ACYP2: variants seen among roughly 807,000 people sequenced by gnomAD.
ACYP2 encodes the protein acylphosphatase-2.
In ACYP2, 12 loss-of-function variants were observed where a neutral mutation model predicts 11.2. The ratio of observed to expected loss-of-function variants is 1.08; its 90% CI spans 0.69 to 1.74. The LOEUF is 1.74. Among genes scored for constraint, ACYP2 ranks in the 40% most tolerant of loss-of-function variants. ACYP2 has a pLI of 0.00. For missense variants in ACYP2, 134 were observed against 101.9 expected (o/e 1.31, Z -1.35); for synonymous variants, 43 against 32.2 (o/e 1.33, Z -1.13).
At chr2:54,242,086 A>T (rs948845579) in intron 6 of ACYP2, among the ~76,000 whole-genome samples, 1 of 152,220 alleles carries the variant, frequency 6.6e-6, no homozygotes, top group Non-Finnish European at 1.5e-5. Context: ...TACGCGTAGT[A>T]AAAGTGCAGA....
intron 2 of ACYP2, among the ~76,000 whole-genome samples, chr2:54,012,061 C>T (rs146866607): frequency 0.024 from 3,633 of 152,048 alleles, 82 homozygotes; most frequent in Non-Finnish European, 0.032. Context: ...CATGGTGAAA[C>T]CGCATCTCTA....
Position 54,115,501 on chromosome 2 carries a change from C to A in ACYP2, c.278-19952C>A, listed in dbSNP as rs1679697903. 2.1e-6 allele frequency: 3 copies of A among 1,425,102 alleles called. No homozygotes were observed. In the African/African-American group the frequency reaches 4.4e-5, roughly 21 times the overall value. The allele number at this position is 1,425,102 out of a possible 1,614,324, so 88.3% of individuals were successfully genotyped here. ...CCAGCGGCCTCTTCCCTCCTGGCGT[C>A]CCCGGCTGCCCTCGCTCCCAGGCCC... On this transcript the variant is annotated intron_variant, in intron 4 of 6. Coordinates refer to ENST00000607452, the MANE Select transcript of ACYP2 (RefSeq NM_001320586.2).
intron 6 of ACYP2, among the ~76,000 whole-genome samples, chr2:54,276,619 T>TGTTCTTTCACA (rs1553405195): frequency 6.8e-6 from 1 of 146,108 alleles, no homozygotes; most frequent in Non-Finnish European, 1.5e-5. Context: ...GATTGTTCTT[T>TGTTCTTTCACA]CACACACACA....
intron 2 of ACYP2, among the ~76,000 whole-genome samples, chr2:54,022,407 G>A (rs576863915): frequency 6.6e-6 from 1 of 152,134 alleles, no homozygotes; most frequent in East Asian, 1.9e-4. Flanking sequence ...TTTGAGACAG[G>A]TTCTCACTCT....
chr2:54,075,046 T>G (rs1677256503), intron 4 of ACYP2, among the ~76,000 whole-genome samples: 1 of 152,244 alleles, frequency 6.6e-6, no homozygotes, highest in African/African-American at 2.4e-5. Context: ...ACTTTCTCAT[T>G]GGTCCTGGTG....
intron 6 of ACYP2, chr2:54,267,318 G>A: frequency 6.5e-7 from 1 of 1,548,282 alleles, no homozygotes; most frequent in Non-Finnish European, 8.7e-7. Context: ...TCCGGAAGCT[G>A]GGTGAAGAAA....
chr2:54,080,357 C>T lies in ACYP2; in HGVS notation c.277+22997C>T, dbSNP rs1053791377. On this transcript the variant is annotated intron_variant, in intron 4 of 6. Transcript: ENST00000607452. ...ACACATCTCTATGGTATTTTTTCTCCTGCTTTTTGGGATGCAGTTTCTTTG... is the reference window on the plus strand; with the variant it reads ...ACACATCTCTATGGTATTTTTTCTCTTGCTTTTTGGGATGCAGTTTCTTTG... The T allele has an allele frequency of 3.9e-5, 6 of 152,052 alleles. No homozygotes were observed. The East Asian group carries it at 1.2e-3, about 29-fold the overall frequency. The allele number at this position is 152,052 out of a possible 1,614,324, so 9.4% of individuals were successfully genotyped here.
intron 2 of ACYP2, among the ~76,000 whole-genome samples, chr2:54,027,837 C>CTTTCTTTTTTTTTT (rs772573473): frequency 3.1e-5 from 3 of 97,894 alleles, no homozygotes; most frequent in African/African-American, 1.2e-4. Flanking sequence ...TTCTTTCTTT[C>CTTTCTTTTTTTTTT]TTTTTTTTTT....
At chr2:54,058,908 G>T (rs933880105) in intron 4 of ACYP2, among the ~76,000 whole-genome samples, 1 of 152,102 alleles carries the variant, frequency 6.6e-6, no homozygotes, top group Non-Finnish European at 1.5e-5. Flanking sequence ...CCAGATGGGG[G>T]TTATCTCAAG....
Position 54,000,479 on chromosome 2 carries a change from GCTTTTC to G in ACYP2, c.62+26676_62+26681del, listed in dbSNP as rs139354662. On this transcript the variant is annotated intron_variant, in intron 2 of 6. Coordinates refer to ENST00000607452, the MANE Select transcript of ACYP2 (RefSeq NM_001320586.2). Reference sequence around the variant, plus strand: ...TGAATTCTCCATTTCTAAGGGGGAAGCTTTTCCTTTTCATTTAGAAAAACCTGTGTC... The same window carrying G: ...TGAATTCTCCATTTCTAAGGGGGAAGCTTTTCATTTAGAAAAACCTGTGTC... Among the ~76,000 whole-genome samples, 980 of 152,286 alleles carry G rather than the reference GCTTTTC, an allele frequency of 6.4e-3. 10 individuals are homozygous for G. The highest frequency in any genetic ancestry group is 0.022 in the African/African-American group (907 of 41,556).
At chr2:54,123,449 C>T (rs796710265) in intron 4 of ACYP2, 23 of 398,486 alleles carry the variant, frequency 5.8e-5, no homozygotes, top group African/African-American at 4.3e-4. Context: ...TTCTGCTTTC[C>T]TTTTTTTGTG....
chr2:54,203,198 A>G (rs1684927222), intron 6 of ACYP2, among the ~76,000 whole-genome samples: 1 of 142,260 alleles, frequency 7.0e-6, no homozygotes, highest in Non-Finnish European at 1.6e-5. Context: ...TGTTAAATTT[A>G]TTCCTAAATA....
rs530260201 is a variant in ACYP2 at position 53,983,860 on chromosome 2, G to T, written c.62+10050G>T. On this transcript the variant is annotated intron_variant, in intron 2 of 6. Transcript: ENST00000607452. The stretch of plus-strand genomic sequence containing the variant: ...AAGAGTTTTCAATGGGCCCAGTTAG[G>T]CCAGGAAACAATGAGTACAATGTGA... Among the ~76,000 whole-genome samples, 62 of 152,214 alleles carry T rather than the reference G, an allele frequency of 4.1e-4. 1 individual carries two copies. In the South Asian group the frequency reaches 8.1e-3, roughly 20 times the overall value.
intron 2 of ACYP2, among the ~76,000 whole-genome samples, chr2:54,015,891 C>G (rs867414153): frequency 2.0e-5 from 3 of 151,974 alleles, no homozygotes; most frequent in Admixed American, 1.3e-4. Flanking sequence ...CTCCAAACTC[C>G]TGGCATCAAG....
chr2:54,090,071 G>C (rs956809341), intron 4 of ACYP2, among the ~76,000 whole-genome samples: 2 of 150,634 alleles, frequency 1.3e-5, no homozygotes, highest in Non-Finnish European at 3.0e-5. Flanking sequence ...CTTAAACCCA[G>C]GAGATGCAGG....
intron 4 of ACYP2, among the ~76,000 whole-genome samples, chr2:54,066,338 G>A (rs893046926): frequency 2.0e-5 from 3 of 152,186 alleles, no homozygotes; most frequent in African/African-American, 7.2e-5. Flanking sequence ...TGCCATGATT[G>A]TAAGTTTCTT....
At chr2:54,042,056 G>A (rs1675261525) in intron 2 of ACYP2, among the ~76,000 whole-genome samples, 1 of 149,452 alleles carries the variant, frequency 6.7e-6, no homozygotes, top group Admixed American at 6.7e-5. Flanking sequence ...TGCCCAGGCT[G>A]GAGTGCAGTG....
intron 6 of ACYP2, among the ~76,000 whole-genome samples, chr2:54,226,930 T>A (rs995604596): frequency 6.6e-6 from 1 of 152,210 alleles, no homozygotes; most frequent in Non-Finnish European, 1.5e-5. Flanking sequence ...TATTTTTTCC[T>A]AAATAGATTT....
rs538421487 is a variant in ACYP2 at position 54,256,262 on chromosome 2, T to C, written c.405-48426T>C. 27 of 1,281,260 alleles carry C rather than the reference T, an allele frequency of 2.1e-5. 1 individual carries two copies. In the South Asian group the frequency reaches 2.8e-4, roughly 13 times the overall value. The allele number at this position is 1,281,260 out of a possible 1,614,324, so 79.4% of individuals were successfully genotyped here. ...CACCTCGCCCATTTGCGCCGCCCAC[T>C]CTTCAGTCTCGCGACACCCACCCCT... On this transcript the variant is annotated intron_variant, in intron 6 of 6. Transcript: ENST00000607452.
Sources: allele counts gnomAD v4.1 joint callset (sites outside exome capture counted in the v4.1 genomes callset), GRCh38; gene constraint gnomAD v4.1.1; transcripts MANE v1.5; gene names NCBI Gene and HGNC (gene_info 2026-07-23, HGNC 2026-07-21).